PDE1C: variants seen among roughly 807,000 people sequenced by gnomAD.
The protein encoded by PDE1C is phosphodiesterase 1C.
Under a neutral mutation model 93.1 loss-of-function variants are expected in PDE1C, and 62 were observed. The ratio of observed to expected loss-of-function variants is 0.67; its 90% CI spans 0.54 to 0.82. The LOEUF (loss-of-function observed/expected upper bound fraction) is 0.82. PDE1C is among the 40% of genes least tolerant of loss of function. The pLI is 0.00. For missense variants in PDE1C, 742 were observed against 884.6 expected (o/e 0.84, Z 2.04); for synonymous variants, 325 against 310.1 (o/e 1.05, Z -0.50).
chr7:32,414,878 G>A (rs956772818), intron 1 of PDE1C, among the ~76,000 whole-genome samples: 1 of 151,088 alleles, frequency 6.6e-6, no homozygotes, highest in African/African-American at 2.4e-5. Flanking sequence ...GTTTTATGGA[G>A]TATAAAATGG....
intron 16 of PDE1C, among the ~76,000 whole-genome samples, chr7:31,799,343 C>T (rs1224944574): frequency 1.3e-5 from 2 of 151,646 alleles, no homozygotes; most frequent in Non-Finnish European, 1.5e-5. Context: ...GTCATGATGC[C>T]TCACCCTATA....
At chr7:31,939,096 TACTC>T (rs1475070701) in intron 2 of PDE1C, among the ~76,000 whole-genome samples, 3 of 152,212 alleles carry the variant, frequency 2.0e-5, no homozygotes, top group African/African-American at 7.2e-5. Flanking sequence ...TTAAAATTAT[TACTC>T]TAGCAGTGCG....
At chr7:31,646,199 G>C in the PDE1C span, among the ~76,000 whole-genome samples, 1 of 152,116 alleles carries the variant, frequency 6.6e-6, no homozygotes, top group African/African-American at 2.4e-5. Context: ...CAGGAGAAAT[G>C]GTTTTTCTAG....
intron 16 of PDE1C, among the ~76,000 whole-genome samples, chr7:31,790,521 T>C (rs781434314): frequency 2.0e-4 from 31 of 152,156 alleles, no homozygotes; most frequent in Non-Finnish European, 1.0e-4. Flanking sequence ...AAACATTTGG[T>C]CATGCAGTAG....
In PDE1C at chr7:32,203,915, G is replaced by A. The variant is rs571351727; in HGVS notation, c.136+5574C>T. 2.0e-5 allele frequency among the ~76,000 whole-genome samples: 3 copies of A among 152,070 alleles called. No individual in the cohort carries two copies. The South Asian group carries it at 6.2e-4, about 32-fold the overall frequency. The stretch of plus-strand genomic sequence containing the variant: ...TCTCCCTGTGGATCTCAGCAACCTT[G>A]GCATACAGTTTTTTTCTTTATTAAG... On this transcript the variant is annotated intron_variant, in intron 2 of 18. Transcript: ENST00000396193.
chr7:31,814,062 G>C (rs1349648334), intron 15 of PDE1C, among the ~76,000 whole-genome samples: 1 of 147,624 alleles, frequency 6.8e-6, no homozygotes, highest in African/African-American at 2.5e-5. Flanking sequence ...GTACACACAC[G>C]CACGCGTGCA....
the PDE1C span, among the ~76,000 whole-genome samples, chr7:31,720,164 C>T: frequency 1.7e-3 from 161 of 93,654 alleles, no homozygotes; most frequent in African/African-American, 6.7e-3. Context: ...AGCGAGACTC[C>T]GTCTCAAAAA....
At chr7:31,666,074 A>C in the PDE1C span, among the ~76,000 whole-genome samples, 1 of 152,176 alleles carries the variant, frequency 6.6e-6, no homozygotes, top group Non-Finnish European at 1.5e-5. Flanking sequence ...ATAAATTCAC[A>C]TCAGGGTCAT....
intron 2 of PDE1C, among the ~76,000 whole-genome samples, chr7:32,023,539 G>T (rs1051710967): frequency 2.6e-5 from 4 of 151,686 alleles, no homozygotes; most frequent in Non-Finnish European, 5.9e-5. Flanking sequence ...CATCCTTCAG[G>T]GCATGAATCG....
chr7:31,652,321 GA>G, the PDE1C span, among the ~76,000 whole-genome samples: 3 of 152,048 alleles, frequency 2.0e-5, no homozygotes, highest in South Asian at 6.2e-4. Flanking sequence ...TTCCAAATAA[GA>G]ATAAGAATCA....
At chr7:32,211,964 TG>T (rs1451803672) in intron 1 of PDE1C, among the ~76,000 whole-genome samples, 1 of 140,238 alleles carries the variant, frequency 7.1e-6, no homozygotes, top group African/African-American at 2.7e-5. Context: ...AGGTTGAGGC[TG>T]CAGTGAGCTG....
Position 31,837,184 on chromosome 7 carries a change from C to A in PDE1C, c.1199G>T (p.Arg400Ile), listed in dbSNP as rs764203632. ...GGAGAGAGAGCAACAAGGTACCTGT[C>A]TGAAGAACTCCTCCAGGAGTGACAT... ...WTMSLLEEFF[R>I]QGDREAELGL... The change falls in exon 11 of 18, where the codon AGA (arginine) becomes ATA (isoleucine). Residue 400 changes from arginine to isoleucine, a missense_variant. Transcript: ENST00000396191. 2.5e-6 allele frequency: 4 copies of A among 1,612,790 alleles called. No homozygotes were observed. The highest frequency in any genetic ancestry group is 3.4e-6 in the Non-Finnish European group (4 of 1,179,494).
chr7:32,405,015 G>A (rs1008869942), intron 1 of PDE1C, among the ~76,000 whole-genome samples: 5 of 152,060 alleles, frequency 3.3e-5, no homozygotes, highest in African/African-American at 4.8e-5. Context: ...AGCTTTATCT[G>A]TGGAATGTGT....
At chr7:31,978,437 G>T (rs537503362) in intron 2 of PDE1C, among the ~76,000 whole-genome samples, 4 of 152,274 alleles carry the variant, frequency 2.6e-5, no homozygotes, top group African/African-American at 9.6e-5. Flanking sequence ...CAGAAAGCTG[G>T]GTCAGGATGG....
chr7:31,652,431 C>T, the PDE1C span: 1 of 1,485,630 alleles, frequency 6.7e-7, no homozygotes, highest in Non-Finnish European at 9.0e-7. Context: ...TCGACCACCT[C>T]ATAATGCCTA....
chr7:31,973,276 G>C (rs1811210916), intron 2 of PDE1C, among the ~76,000 whole-genome samples: 1 of 152,068 alleles, frequency 6.6e-6, no homozygotes, highest in Non-Finnish European at 1.5e-5. Context: ...AAAAGAAAGA[G>C]TAGAGCTGAA....
chr7:31,890,096 T>C (rs1259722938), intron 2 of PDE1C, among the ~76,000 whole-genome samples: 1 of 152,178 alleles, frequency 6.6e-6, no homozygotes, highest in East Asian at 1.9e-4. Flanking sequence ...AAGGATGTTA[T>C]TATGAAAACC....
chr7:32,179,013 A>C (rs1329586360), intron 2 of PDE1C, among the ~76,000 whole-genome samples: 1 of 152,188 alleles, frequency 6.6e-6, no homozygotes, highest in Non-Finnish European at 1.5e-5. Flanking sequence ...CTGGGACACT[A>C]AGACTCCAAG....
chr7:31,937,903 C>T (rs917056336), intron 2 of PDE1C, among the ~76,000 whole-genome samples: 1 of 152,078 alleles, frequency 6.6e-6, no homozygotes, highest in East Asian at 1.9e-4. Context: ...TCTGAAGTGG[C>T]GAGCTTCAGT....
Sources: allele counts gnomAD v4.1 joint callset (sites outside exome capture counted in the v4.1 genomes callset), GRCh38; gene constraint gnomAD v4.1.1; transcripts MANE v1.5; gene names NCBI Gene and HGNC (gene_info 2026-07-23, HGNC 2026-07-21).